The following RBFOX1 variants were observed in gnomAD, a reference collection of about 807,000 sequenced individuals.
The protein encoded by RBFOX1 is RNA binding fox-1 homolog 1.
RBFOX1 carries 8 observed loss-of-function variants against 57.7 expected under a neutral mutation model. That is an observed-to-expected ratio of 0.14 (90% CI 0.08 to 0.25). The LOEUF is 0.25. RBFOX1 is among the 10% of genes least tolerant of loss of function. The pLI is 1.00. For synonymous variants in RBFOX1, 326 were observed against 222.4 expected (o/e 1.47, Z -4.15); for missense variants, 611 against 548.5 (o/e 1.11, Z -1.14).
At chr16:6,985,663 A>C (rs151285992) in intron 3 of RBFOX1, among the ~76,000 whole-genome samples, 1 of 152,164 alleles carries the variant, frequency 6.6e-6, no homozygotes, top group East Asian at 1.9e-4. Context: ...CCCCATCTCT[A>C]CAAAAAATAC....
chr16:5,306,868 A>G (rs1057108886), intron 1 of RBFOX1, among the ~76,000 whole-genome samples: 7 of 152,158 alleles, frequency 4.6e-5, no homozygotes, highest in African/African-American at 7.2e-5. Context: ...GTTCTCTGCT[A>G]TCATCAGGAT....
chr16:5,495,968 A>G (rs1388574143), intron 2 of RBFOX1, among the ~76,000 whole-genome samples: 1 of 152,162 alleles, frequency 6.6e-6, no homozygotes, highest in Non-Finnish European at 1.5e-5. Flanking sequence ...TCTACTAAAA[A>G]TACAAACATT....
At chr16:5,666,071 T>C (rs1431853105) in intron 3 of RBFOX1, among the ~76,000 whole-genome samples, 1 of 152,188 alleles carries the variant, frequency 6.6e-6, no homozygotes, top group African/African-American at 2.4e-5. Context: ...TCTCCACGTG[T>C]CTAATGGCAG....
intron 2 of RBFOX1, among the ~76,000 whole-genome samples, chr16:6,544,827 C>T (rs937754853): frequency 6.6e-6 from 1 of 152,146 alleles, no homozygotes; most frequent in Non-Finnish European, 1.5e-5. Context: ...AGGGTACCCA[C>T]GACCAGTGAT....
intron 4 of RBFOX1, among the ~76,000 whole-genome samples, chr16:7,479,960 G>T (rs2063542272): frequency 6.6e-6 from 1 of 152,194 alleles, no homozygotes; most frequent in South Asian, 2.1e-4. Context: ...AAAGGCAAAT[G>T]TTGGGGCTTG....
chr16:5,466,885 G>A (rs187444130), intron 1 of RBFOX1, among the ~76,000 whole-genome samples: 16 of 152,144 alleles, frequency 1.1e-4, no homozygotes, highest in East Asian at 1.9e-4. Flanking sequence ...TCTCCACCCC[G>A]TAATTCATCT....
At chr16:7,149,796 T>C (rs995886744) in intron 4 of RBFOX1, among the ~76,000 whole-genome samples, 2 of 152,154 alleles carry the variant, frequency 1.3e-5, no homozygotes, top group African/African-American at 4.8e-5. Flanking sequence ...CATTAAGTAA[T>C]GTCTAGCCAC....
At chr16:6,841,344 G>T (rs992070836) in intron 3 of RBFOX1, among the ~76,000 whole-genome samples, 2 of 152,148 alleles carry the variant, frequency 1.3e-5, no homozygotes, top group Admixed American at 1.3e-4. Context: ...ATGCATTGAA[G>T]AATGTTAGAC....
intron 4 of RBFOX1, among the ~76,000 whole-genome samples, chr16:7,248,284 C>G (rs1264343417): frequency 6.6e-6 from 1 of 152,150 alleles, no homozygotes; most frequent in African/African-American, 2.4e-5. Flanking sequence ...ATTCTTGCTG[C>G]CTTTCCTACC....
intron 3 of RBFOX1, among the ~76,000 whole-genome samples, chr16:7,025,708 A>G (rs1194434124): frequency 6.6e-6 from 1 of 151,862 alleles, no homozygotes; most frequent in African/African-American, 2.4e-5. Context: ...AGCCTGCCGC[A>G]CTGCCAGTCA....
At chr16:6,889,123 G>T (rs2153368990) in intron 3 of RBFOX1, among the ~76,000 whole-genome samples, 1 of 152,262 alleles carries the variant, frequency 6.6e-6, no homozygotes, top group East Asian at 1.9e-4. Context: ...AAAAAACCTG[G>T]CTTCAAATCT....
At chr16:5,895,947 T>C (rs2058154212) in intron 4 of RBFOX1, among the ~76,000 whole-genome samples, 2 of 152,222 alleles carry the variant, frequency 1.3e-5, no homozygotes, top group Admixed American at 1.3e-4. Context: ...TCTGTATTCC[T>C]GAGCTTTCCA....
At chr16:5,344,967 G>T (rs2065109389) in intron 1 of RBFOX1, among the ~76,000 whole-genome samples, 1 of 152,182 alleles carries the variant, frequency 6.6e-6, no homozygotes, top group African/African-American at 2.4e-5. Flanking sequence ...CTTTCCCGCA[G>T]TGTCTGGGTT....
In RBFOX1 at chr16:5,915,793, C is replaced by T. The variant is rs149881586; in HGVS notation, c.351+48458C>T. Reference sequence around the variant, plus strand: ...GTTGCAGTGAGCCAAGATCATGCCACGGCACTCCAGCCTGGGTGACAGGGC... The same window carrying T: ...GTTGCAGTGAGCCAAGATCATGCCATGGCACTCCAGCCTGGGTGACAGGGC... On this transcript the variant is annotated intron_variant, in intron 4 of 19. Coordinates refer to the RBFOX1 transcript ENST00000641259. Among the ~76,000 whole-genome samples the T allele has an allele frequency of 1.8e-3, 268 of 151,934 alleles. 1 individual carries two copies. The highest frequency in any genetic ancestry group is 6.1e-3 in the African/African-American group (253 of 41,432).
chr16:7,054,457 G>C (rs1791311662), intron 4 of RBFOX1, among the ~76,000 whole-genome samples: 1 of 146,764 alleles, frequency 6.8e-6, no homozygotes, highest in Non-Finnish European at 1.5e-5. Flanking sequence ...TGGCCAGGAT[G>C]GTCTCGATCT....
intron 1 of RBFOX1, chr16:5,270,165 A>G: frequency 2.7e-6 from 1 of 373,114 alleles, no homozygotes; most frequent in Non-Finnish European, 5.1e-6. Context: ...TGGTACTCTG[A>G]GCAGCACCAT....
At chr16:7,237,780 C>T (rs978137100) in intron 4 of RBFOX1, among the ~76,000 whole-genome samples, 1 of 152,130 alleles carries the variant, frequency 6.6e-6, no homozygotes, top group African/African-American at 2.4e-5. Context: ...GTGAGGCGGA[C>T]AGATCACTTG....
At chr16:6,734,801 T>C (rs1314626836) in intron 3 of RBFOX1, among the ~76,000 whole-genome samples, 1 of 152,176 alleles carries the variant, frequency 6.6e-6, no homozygotes, top group Non-Finnish European at 1.5e-5. Context: ...GTGGAAAATA[T>C]TTTTTACGAA....
At chr16:7,455,070 C>T (rs1003183787) in intron 4 of RBFOX1, among the ~76,000 whole-genome samples, 1 of 152,180 alleles carries the variant, frequency 6.6e-6, no homozygotes, top group Non-Finnish European at 1.5e-5. Context: ...ATGCTAGGCA[C>T]AACGGATTCG....
Sources: gnomAD v4.1 joint callset for allele counts (sites outside exome capture counted in the v4.1 genomes callset) on GRCh38, gnomAD v4.1.1 for gene constraint, MANE v1.5 for transcripts, NCBI Gene and HGNC (gene_info 2026-07-23, HGNC 2026-07-21) for gene names.